SLC27A6: variants seen among roughly 807,000 people sequenced by gnomAD.
SLC27A6 encodes long-chain fatty acid transport protein 6.
In SLC27A6, 74 loss-of-function variants were observed where a neutral mutation model predicts 63.9. The ratio of observed to expected loss-of-function variants is 1.16; its 90% CI spans 0.96 to 1.40. The LOEUF is 1.40. Ranked by LOEUF, SLC27A6 falls within the 40% of genes most tolerant of loss-of-function variation. The pLI, the probability that SLC27A6 is intolerant of heterozygous loss-of-function variation, is 0.00. For synonymous variants in SLC27A6, 287 were observed against 260.8 expected (o/e 1.10, Z -0.97); for missense variants, 794 against 732.9 (o/e 1.08, Z -0.96).
intron 5 of SLC27A6, among the ~76,000 whole-genome samples, chr5:129,021,283 A>G (rs1421581913): frequency 6.6e-6 from 1 of 151,712 alleles, no homozygotes; most frequent in African/African-American, 2.4e-5. Context: ...TTTTGGGGGC[A>G]AGGTTAAATT....
chr5:128,993,145 C>T (rs1217125626), intron 4 of SLC27A6, among the ~76,000 whole-genome samples: 1 of 151,946 alleles, frequency 6.6e-6, no homozygotes, highest in African/African-American at 2.4e-5. Flanking sequence ...GATTTAGAAG[C>T]TCATGCACAT....
At chr5:128,975,603 A>G (rs1391860679) in intron 1 of SLC27A6, among the ~76,000 whole-genome samples, 1 of 152,184 alleles carries the variant, frequency 6.6e-6, no homozygotes, top group Non-Finnish European at 1.5e-5. Flanking sequence ...ACATAGTGGT[A>G]TGATCTTATG....
chr5:128,974,291 T>C (rs1453274324), intron 1 of SLC27A6, among the ~76,000 whole-genome samples: 1 of 152,222 alleles, frequency 6.6e-6, no homozygotes, highest in East Asian at 1.9e-4. Flanking sequence ...CAACAGTCAG[T>C]TTTTTGTATT....
At chr5:129,027,419 T>G in intron 7 of SLC27A6, 88 bp downstream of exon 7, 2 of 991,280 alleles carry the variant, frequency 2.0e-6, no homozygotes, top group South Asian at 3.0e-5. Flanking sequence ...TGCTTTAGCT[T>G]TCAGGGCAGA....
Position 129,023,175 on chromosome 5 carries a change from G to A in SLC27A6, c.1165-445G>A, listed in dbSNP as rs945280231. 1.5e-4 allele frequency among the ~76,000 whole-genome samples: 23 copies of A among 151,618 alleles called. 1 individual carries two copies. Among genetic ancestry groups the A allele is most frequent in the African/African-American group, 5.6e-4 (23 of 41,278 alleles). ...TGATGTGTTTTGACTTTTTTTTTTA[G>A]ATACTGTGAGGAAAAAATAACACAA... On this transcript the variant is annotated intron_variant, in intron 5 of 9. Transcript: ENST00000262462.
chr5:128,985,090 G>A, intron 1 of SLC27A6, 43 bp from the exon 2 acceptor site: 5 of 1,431,052 alleles, frequency 3.5e-6, no homozygotes, highest in Non-Finnish European at 4.9e-6. Flanking sequence ...AATTGTTTGA[G>A]ATTTAAGGTT....
At chr5:129,014,507 C>T (rs1173471474) in intron 4 of SLC27A6, among the ~76,000 whole-genome samples, 2 of 152,268 alleles carry the variant, frequency 1.3e-5, no homozygotes, top group East Asian at 3.9e-4. Context: ...TATGCATGAC[C>T]TGGGTGCCTT....
intron 4 of SLC27A6, among the ~76,000 whole-genome samples, chr5:129,000,761 T>C (rs546851924): frequency 9.8e-5 from 15 of 152,296 alleles, no homozygotes; most frequent in African/African-American, 3.4e-4. Flanking sequence ...CGCATCCTTT[T>C]CTTAGGTGAT....
intron 2 of SLC27A6, 39 bp from the exon 3 acceptor site, chr5:128,988,555 ATGTATG>A: frequency 6.6e-7 from 1 of 1,505,030 alleles, no homozygotes; most frequent in Middle Eastern, 1.7e-4. Context: ...ATGTATATGT[ATGTATG>A]TGTGTATATA....
At chr5:129,014,755 C>T (rs1474242159) in intron 4 of SLC27A6, among the ~76,000 whole-genome samples, 2 of 152,184 alleles carry the variant, frequency 1.3e-5, no homozygotes, top group African/African-American at 4.8e-5. Flanking sequence ...GCCAAGCTTT[C>T]TGCTTTCCTC....
intron 3 of SLC27A6, among the ~76,000 whole-genome samples, chr5:128,989,723 G>A (rs1396949082): frequency 6.6e-6 from 1 of 152,058 alleles, no homozygotes; most frequent in African/African-American, 2.4e-5. Context: ...AGGAGATTGA[G>A]ACCATCCTGG....
At chr5:129,006,885 A>G (rs1402245208) in intron 4 of SLC27A6, among the ~76,000 whole-genome samples, 3 of 151,868 alleles carry the variant, frequency 2.0e-5, no homozygotes, top group Non-Finnish European at 4.4e-5. Flanking sequence ...TTAATTGAAG[A>G]CCTTTTATTT....
chr5:129,011,210 G>A (rs1361498927), intron 4 of SLC27A6, among the ~76,000 whole-genome samples: 1 of 152,162 alleles, frequency 6.6e-6, no homozygotes, highest in Non-Finnish European at 1.5e-5. Context: ...TTCAGCATTA[G>A]TAGATATTGC....
intron 1 of SLC27A6, among the ~76,000 whole-genome samples, chr5:128,976,071 A>G (rs568867623): frequency 6.6e-6 from 1 of 152,372 alleles, no homozygotes; most frequent in East Asian, 1.9e-4. Context: ...CAAACAGTCT[A>G]TTCTACTAAA....
At chr5:129,013,326 A>G (rs957265521) in intron 4 of SLC27A6, among the ~76,000 whole-genome samples, 4 of 152,024 alleles carry the variant, frequency 2.6e-5, no homozygotes, top group Non-Finnish European at 4.4e-5. Context: ...TTAGTGTTCC[A>G]TCTGTACCGT....
At chr5:128,967,744 T>C (rs1432589308) in intron 1 of SLC27A6, among the ~76,000 whole-genome samples, 1 of 148,294 alleles carries the variant, frequency 6.7e-6, no homozygotes, top group Non-Finnish European at 1.5e-5. Context: ...GGCAAATGTA[T>C]ACTTTTTCTT....
chr5:129,031,645 A>G (rs2150157669), intron 9 of SLC27A6, among the ~76,000 whole-genome samples: 1 of 152,096 alleles, frequency 6.6e-6, no homozygotes, highest in South Asian at 2.1e-4. Context: ...AAATTTTGAT[A>G]TTCTCTAAAA....
At chr5:128,991,729 A>T (rs1279472061) in intron 4 of SLC27A6, among the ~76,000 whole-genome samples, 1 of 151,872 alleles carries the variant, frequency 6.6e-6, no homozygotes, top group Non-Finnish European at 1.5e-5. Context: ...ATTAAAAAAA[A>T]AAACCCACAT....
chr5:128,992,371 A>C (rs1751015520), intron 4 of SLC27A6, among the ~76,000 whole-genome samples: 2 of 152,114 alleles, frequency 1.3e-5, no homozygotes, highest in South Asian at 4.1e-4. Flanking sequence ...GTAATTTTTC[A>C]ATTAATTACC....
Sources: gnomAD v4.1 joint callset for allele counts (sites outside exome capture counted in the v4.1 genomes callset) on GRCh38, gnomAD v4.1.1 for gene constraint, MANE v1.5 for transcripts, NCBI Gene and HGNC (gene_info 2026-07-23, HGNC 2026-07-21) for gene names.